The following ADAP1 variants were observed in gnomAD, a reference collection of about 807,000 sequenced individuals.
ADAP1 encodes the protein ArfGAP with dual PH domains 1.
A neutral mutation model predicts 54.9 loss-of-function variants in ADAP1; 31 were observed. The observed-to-expected ratio is 0.56, with a 90% CI of 0.42 to 0.76. The LOEUF (loss-of-function observed/expected upper bound fraction) is 0.76. Ranked by LOEUF, ADAP1 falls within the 30% of genes least tolerant of loss-of-function variation. The pLI is 0.00. For synonymous variants in ADAP1, 313 were observed against 202.6 expected (o/e 1.55, Z -4.63); for missense variants, 535 against 512.4 (o/e 1.04, Z -0.42).
chr7:905,770 GAGAAAGGA>G (rs1845220885), intron 4 of ADAP1, among the ~76,000 whole-genome samples: 1 of 43,132 alleles, frequency 2.3e-5, no homozygotes, highest in Non-Finnish European at 4.7e-5. Flanking sequence ...AGGGAGAAAG[GAGAAAGGA>G]GAAAGGAGAA....
chr7:950,309 C>A (rs1583191949), intron 1 of ADAP1, among the ~76,000 whole-genome samples: 1 of 152,160 alleles, frequency 6.6e-6, no homozygotes, highest in East Asian at 1.9e-4. Flanking sequence ...CGTGGTGAAA[C>A]CCCATCTCTA....
rs541988068 is a variant in ADAP1, at chr7:909,411, G to A, written c.389-4239C>T. Among the ~76,000 whole-genome samples the A allele has an allele frequency of 1.7e-4, 23 of 135,646 alleles. 1 individual carries two copies. The highest frequency in any genetic ancestry group is 3.1e-4 in the African/African-American group (10 of 32,282). The allele number at this position is 135,646 out of a possible 152,430, so 89.0% of individuals were successfully genotyped here. On this transcript the variant is annotated intron_variant, in intron 4 of 10. Coordinates refer to ENST00000265846, the MANE Select transcript of ADAP1 (RefSeq NM_006869.4). ...GGAACCCCGGTCCTCCCGACAGCAG[G>A]CGCCAGCGGGAACCCCGGTCCTCCC... is the stretch of plus-strand genomic sequence containing the variant.
chr7:913,269 C>G (rs1392886590), intron 4 of ADAP1, among the ~76,000 whole-genome samples: 1 of 146,888 alleles, frequency 6.8e-6, no homozygotes, highest in African/African-American at 2.6e-5. Context: ...GGCGTGATCT[C>G]CACTCACTGC....
intron 6 of ADAP1, chr7:901,026 G>A (rs73672458): frequency 2.1e-6 from 1 of 474,880 alleles, no homozygotes; most frequent in Non-Finnish European, 4.3e-6. Flanking sequence ...TGTAGCTCAA[G>A]CAAGTCTTGG....
At chr7:930,517 T>C (rs1044416044) in intron 2 of ADAP1, among the ~76,000 whole-genome samples, 2 of 79,876 alleles carry the variant, frequency 2.5e-5, no homozygotes, top group African/African-American at 8.7e-5. Flanking sequence ...CACTACAAAA[T>C]TTTTTTTTTT....
At chr7:951,240 G>T (rs554658674) in intron 1 of ADAP1, among the ~76,000 whole-genome samples, 25 of 152,198 alleles carry the variant, frequency 1.6e-4, no homozygotes, top group Admixed American at 3.3e-4. Context: ...GGGCGTGGTG[G>T]CGGGTGCCTG....
intron 5 of ADAP1, 26 bp downstream of exon 5, chr7:905,034 C>A (rs374615317): frequency 1.3e-6 from 2 of 1,591,854 alleles, no homozygotes; most frequent in East Asian, 4.5e-5. Flanking sequence ...GGACAGGCCC[C>A]CACCCCACCC....
intron 2 of ADAP1, among the ~76,000 whole-genome samples, chr7:930,119 A>AC (rs1685868982): frequency 1.3e-5 from 2 of 150,224 alleles, no homozygotes; most frequent in South Asian, 4.3e-4. Flanking sequence ...AAAAAAAAAA[A>AC]AAAAAAAACC....
chr7:928,452 T>C (rs1447594084), intron 2 of ADAP1, among the ~76,000 whole-genome samples: 1 of 152,190 alleles, frequency 6.6e-6, no homozygotes, highest in Non-Finnish European at 1.5e-5. Context: ...ATACTTTTAA[T>C]TTGTTTTAAT....
At chr7:939,958 T>G (rs1303320627) in intron 1 of ADAP1, among the ~76,000 whole-genome samples, 1 of 152,100 alleles carries the variant, frequency 6.6e-6, no homozygotes, top group Middle Eastern at 3.2e-3. Flanking sequence ...ATAGCCTATC[T>G]TTGACAAACC....
At chr7:954,222 G>A (rs1562940612) in intron 1 of ADAP1, among the ~76,000 whole-genome samples, 174 bp downstream of exon 1, 1 of 151,472 alleles carries the variant, frequency 6.6e-6, no homozygotes, top group African/African-American at 2.4e-5. Context: ...GTCCCCGCAG[G>A]TGCAGCCGGG....
At chr7:930,748 G>A (rs1224576998) in intron 2 of ADAP1, among the ~76,000 whole-genome samples, 1 of 151,780 alleles carries the variant, frequency 6.6e-6, no homozygotes, top group Non-Finnish European at 1.5e-5. Flanking sequence ...GAATGTGGGA[G>A]GTGGAGGTTG....
At chr7:906,806 G>GGGGGGACATGGGGGGACATGGGTGACAC (rs1554272535) in intron 4 of ADAP1, among the ~76,000 whole-genome samples, 1 of 44,398 alleles carries the variant, frequency 2.3e-5, no homozygotes, top group Non-Finnish European at 4.6e-5. Flanking sequence ...CAGGGGACAT[G>GGGGGGACATGGGGGGACATGGGTGACAC]GGGGGACATG....
chr7:954,548 C>A lies in ADAP1; in HGVS notation c.-71G>T. On this transcript the variant is annotated 5_prime_UTR_variant, in exon 1 of 11. Transcript: ENST00000265846. ...GCGTCAGCCCGGCTCGCTAGGGCCCCGCGCAGGCCGCCCGCCGCCGCCGCC... is the reference window on the plus strand; with the variant it reads ...GCGTCAGCCCGGCTCGCTAGGGCCCAGCGCAGGCCGCCCGCCGCCGCCGCC... 3.0e-6 allele frequency: 3 copies of A among 992,078 alleles called. No individual in the cohort carries two copies. Among genetic ancestry groups the A allele is most frequent in the African/African-American group, 1.8e-5 (1 of 57,030 alleles). 61.5% of individuals were successfully genotyped at this position (992,078 alleles called of 1,614,324 possible). A position where few individuals can be genotyped will look rare whatever the true frequency, so the allele number is the denominator to read the frequency against.
In ADAP1 at chr7:926,359, C is replaced by CCCCCCA. The variant is rs55956927; in HGVS notation, c.305+193_305+194insTGGGGG. Among the ~76,000 whole-genome samples the CCCCCCA allele has an allele frequency of 1.2e-4, 18 of 150,594 alleles. No homozygotes were observed. The highest frequency in any genetic ancestry group is 6.3e-4 in the South Asian group (3 of 4,762). On this transcript the variant is annotated intron_variant, in intron 3 of 10. Transcript: ENST00000265846. This position sits in a 1 kb window ranked among gnomAD's most constrained non-coding sequence, Gnocchi z 4.6. ...TTCCCAGCCCCACCCCAGCGCCCCC[C>CCCCCCA]GCCCCAGAACCAAAGCCCGGTGGTG...
At chr7:930,542 G>C (rs1583173512) in intron 2 of ADAP1, among the ~76,000 whole-genome samples, 1 of 151,718 alleles carries the variant, frequency 6.6e-6, no homozygotes, top group African/African-American at 2.4e-5. Flanking sequence ...AGCCAGGGCT[G>C]GCGCGGTGGC....
chr7:919,626 AAGAG>A (rs1043631413), intron 4 of ADAP1, among the ~76,000 whole-genome samples: 1 of 133,962 alleles, frequency 7.5e-6, no homozygotes, highest in Non-Finnish European at 1.6e-5. Flanking sequence ...GACAGACATG[AAGAG>A]AGAGTAAGAG....
chr7:942,423 G>A (rs1846971061), intron 1 of ADAP1, among the ~76,000 whole-genome samples: 1 of 97,344 alleles, frequency 1.0e-5, no homozygotes, highest in East Asian at 3.1e-4. Context: ...GGAAGGGAGA[G>A]AGGAGGAGGA....
At chr7:906,739 G>GGGAA (rs1845447364) in intron 4 of ADAP1, among the ~76,000 whole-genome samples, 1 of 29,244 alleles carries the variant, frequency 3.4e-5, no homozygotes, top group African/African-American at 1.5e-4. Flanking sequence ...ATGGGGGACA[G>GGGAA]AGTACATAGG....
Sources: allele counts gnomAD v4.1 joint callset (sites outside exome capture counted in the v4.1 genomes callset), GRCh38; gene constraint gnomAD v4.1.1; non-coding constraint Gnocchi (gnomAD v3.1); transcripts MANE v1.5; gene names NCBI Gene and HGNC (gene_info 2026-07-23, HGNC 2026-07-21).